Variants in DNM3 observed in about 807,000 individuals in gnomAD.
DNM3 encodes the protein dynamin-3.
Under a neutral mutation model 101.6 loss-of-function variants are expected in DNM3, and 47 were observed. That is an observed-to-expected ratio of 0.46 (90% confidence interval 0.37 to 0.59). DNM3 has a LOEUF of 0.59. Among genes scored for constraint, DNM3 ranks in the 20% least tolerant of loss-of-function variants. The probability of loss-of-function intolerance (pLI) is 0.00; values close to 1 mark genes in which losing one functional copy is unlikely to be tolerated. For synonymous variants in DNM3, 385 were observed against 387.9 expected, an observed-to-expected ratio of 0.99 and a Z score of 0.09; for missense variants, 849 against 1,085.7, an observed-to-expected ratio of 0.78 and a Z score of 3.06.
At chr1:172,263,974 G>C (rs2062764822) in intron 15 of DNM3, among the ~76,000 whole-genome samples, 1 of 152,188 alleles carries the variant, frequency 6.6e-6, no homozygotes, top group Admixed American at 6.5e-5. Context: ...ATGAGTTATA[G>C]TGTGTAAGGT....
At chr1:172,395,430 C>T (rs1381085004) in intron 20 of DNM3, among the ~76,000 whole-genome samples, 1 of 152,108 alleles carries the variant, frequency 6.6e-6, no homozygotes, top group Non-Finnish European at 1.5e-5. Context: ...CACAGCCTCC[C>T]AGAGTGCTGG....
chr1:171,918,983 C>T (rs967220697), intron 1 of DNM3, among the ~76,000 whole-genome samples: 2 of 152,028 alleles, frequency 1.3e-5, no homozygotes, highest in African/African-American at 4.8e-5. Context: ...TCTCTCTGTC[C>T]TTTCTTCTCT....
intron 15 of DNM3, among the ~76,000 whole-genome samples, chr1:172,295,197 G>T (rs925863209): frequency 6.6e-6 from 1 of 152,122 alleles, no homozygotes; most frequent in Non-Finnish European, 1.5e-5. Flanking sequence ...CTTGAGAAAC[G>T]TGGGCACTGT....
chr1:171,973,484 C>A (rs1056940407), intron 2 of DNM3, among the ~76,000 whole-genome samples: 1 of 152,042 alleles, frequency 6.6e-6, no homozygotes, highest in Non-Finnish European at 1.5e-5. Flanking sequence ...TGTTGAGACC[C>A]TATACCTAGT....
intron 17 of DNM3, among the ~76,000 whole-genome samples, chr1:172,348,162 G>T (rs1202589001): frequency 6.6e-6 from 1 of 152,252 alleles, no homozygotes; most frequent in East Asian, 1.9e-4. Context: ...GCAGACGAAA[G>T]TGTGCCATGA....
chr1:171,975,822 A>G (rs1405315840), intron 2 of DNM3, among the ~76,000 whole-genome samples: 2 of 152,220 alleles, frequency 1.3e-5, no homozygotes, highest in Non-Finnish European at 2.9e-5. Flanking sequence ...TCTGATCTCG[A>G]GACTTATTAT....
chr1:172,100,227 G>A (rs921602936), intron 13 of DNM3, among the ~76,000 whole-genome samples: 1 of 152,144 alleles, frequency 6.6e-6, no homozygotes, highest in Non-Finnish European at 1.5e-5. Context: ...CAGGTAACTG[G>A]ATTATCAACC....
chr1:172,395,723 C>A (rs535000891), intron 20 of DNM3, among the ~76,000 whole-genome samples: 1 of 152,156 alleles, frequency 6.6e-6, no homozygotes, highest in African/African-American at 2.4e-5. Flanking sequence ...CTTACCATTG[C>A]CAATGTATTG....
intron 14 of DNM3, among the ~76,000 whole-genome samples, chr1:172,188,361 G>A (rs2059592385): frequency 6.6e-6 from 1 of 152,026 alleles, no homozygotes; most frequent in Admixed American, 6.6e-5. Flanking sequence ...ATCCAGGTTT[G>A]CACCACCTTG....
At chr1:172,337,254 G>A (rs1317475113) in intron 17 of DNM3, among the ~76,000 whole-genome samples, 2 of 152,044 alleles carry the variant, frequency 1.3e-5, no homozygotes, top group Admixed American at 6.6e-5. Flanking sequence ...ATTTGTTTGT[G>A]GCCTGGCATC....
chr1:172,085,997 G>T (rs2053505355), intron 12 of DNM3, among the ~76,000 whole-genome samples: 1 of 152,120 alleles, frequency 6.6e-6, no homozygotes, highest in Admixed American at 6.6e-5. Context: ...TACTGAGATT[G>T]TTGTCAAGTA....
At chr1:172,035,693 G>A (rs2048905173) in intron 6 of DNM3, among the ~76,000 whole-genome samples, 1 of 152,154 alleles carries the variant, frequency 6.6e-6, no homozygotes, top group African/African-American at 2.4e-5. Flanking sequence ...GTTGGTTGCT[G>A]GTTTCTTGTG....
chr1:171,886,727 T>C (rs1317865689), intron 1 of DNM3, among the ~76,000 whole-genome samples: 4 of 152,226 alleles, frequency 2.6e-5, no homozygotes, highest in African/African-American at 9.6e-5. Context: ...TTAATCTTTC[T>C]AACCTGAAGA....
chr1:171,912,316 A>G (rs1039546120), intron 1 of DNM3, among the ~76,000 whole-genome samples: 4 of 152,178 alleles, frequency 2.6e-5, no homozygotes, highest in Non-Finnish European at 2.9e-5. Context: ...TATCTATGAT[A>G]TTAAACTTAA....
chr1:172,215,094 G>A (rs778041815), intron 14 of DNM3, among the ~76,000 whole-genome samples: 8 of 152,180 alleles, frequency 5.3e-5, no homozygotes, highest in Admixed American at 1.3e-4. Context: ...ACCTAAAGAC[G>A]AGTGTTCGGA....
At chr1:172,007,235 G>A (rs1410194003) in intron 4 of DNM3, among the ~76,000 whole-genome samples, 1 of 152,056 alleles carries the variant, frequency 6.6e-6, no homozygotes, top group Non-Finnish European at 1.5e-5. Flanking sequence ...CTCCAAAATG[G>A]TTGTACAATT....
intron 17 of DNM3, among the ~76,000 whole-genome samples, chr1:172,358,200 A>G (rs80164081): frequency 1.4e-4 from 22 of 152,184 alleles, no homozygotes; most frequent in Admixed American, 8.5e-4. Flanking sequence ...CTTCAAGAAT[A>G]AAAAATGAGA....
intron 11 of DNM3, among the ~76,000 whole-genome samples, chr1:172,076,596 C>A (rs1473851258): frequency 1.3e-5 from 2 of 152,076 alleles, no homozygotes. Flanking sequence ...GTCATTGATT[C>A]TGTTTATGTG....
intron 16 of DNM3, among the ~76,000 whole-genome samples, chr1:172,317,976 C>A (rs1427134557): frequency 6.6e-6 from 1 of 152,108 alleles, no homozygotes. Flanking sequence ...AACATTGATG[C>A]AAAAATCCTC....
Sources: gnomAD v4.1 joint callset for allele counts (sites outside exome capture counted in the v4.1 genomes callset) on GRCh38, gnomAD v4.1.1 for gene constraint, MANE v1.5 for transcripts, NCBI Gene and HGNC (gene_info 2026-07-23, HGNC 2026-07-21) for gene names.